UNC5D: variants seen among roughly 807,000 people sequenced by gnomAD.
UNC5D encodes the protein unc-5 netrin receptor D, also known as netrin receptor UNC5D.
A neutral mutation model predicts 105.4 loss-of-function variants in UNC5D; 39 were observed. The ratio of observed to expected loss-of-function variants is 0.37; its 90% CI spans 0.29 to 0.48. The LOEUF (loss-of-function observed/expected upper bound fraction) is 0.48, where lower values mean the gene tolerates loss of function less well. Ranked by LOEUF, UNC5D falls within the 20% of genes least tolerant of loss-of-function variation. The pLI is 0.98. For missense variants in UNC5D, 991 were observed against 1,202.4 expected (o/e 0.82, Z 2.60); for synonymous variants, 452 against 450.4 (o/e 1.00, Z -0.04).
At chr8:35,671,100 A>G (rs1160482297) in intron 4 of UNC5D, among the ~76,000 whole-genome samples, 1 of 151,560 alleles carries the variant, frequency 6.6e-6, no homozygotes, top group Non-Finnish European at 1.5e-5. Context: ...TCCTTGCCCC[A>G]CCTCCACTAA....
chr8:35,562,893 C>T (rs2130761110), intron 2 of UNC5D, among the ~76,000 whole-genome samples: 1 of 152,080 alleles, frequency 6.6e-6, no homozygotes, highest in South Asian at 2.1e-4. Flanking sequence ...AACCAGTGTC[C>T]TGGAGAGTTT....
chr8:35,335,528 A>T (rs575556108), intron 1 of UNC5D, among the ~76,000 whole-genome samples: 12 of 152,176 alleles, frequency 7.9e-5, no homozygotes, highest in Non-Finnish European at 1.5e-4. Context: ...AAGTTTAACA[A>T]TTTGAAAACT....
At chr8:35,725,843 A>G (rs1828829687) in intron 9 of UNC5D, among the ~76,000 whole-genome samples, 1 of 152,222 alleles carries the variant, frequency 6.6e-6, no homozygotes, top group Admixed American at 6.5e-5. Flanking sequence ...CACATAAACA[A>G]TAATACCTGA....
intron 1 of UNC5D, among the ~76,000 whole-genome samples, chr8:35,392,672 A>T (rs1803851270): frequency 6.6e-6 from 1 of 152,204 alleles, no homozygotes; most frequent in African/African-American, 2.4e-5. Flanking sequence ...ACATCGGCAA[A>T]GTCCCTTTTG....
rs368279291 is a variant in UNC5D at position 35,384,997 on chromosome 8, G to A, written c.103+149110G>A. 1.4e-4 allele frequency among the ~76,000 whole-genome samples: 21 copies of A among 152,328 alleles called. 1 individual carries two copies. Among genetic ancestry groups the A allele is most frequent in the East Asian group, 1.9e-4 (1 of 5,168 alleles). ...ACATCAGGTCTAGGTCCTTCATACC[G>A]TGTGTTGAAATTATACCCACTTGCT... On this transcript the variant is annotated intron_variant, in intron 1 of 16. Coordinates refer to ENST00000404895, the MANE Select transcript of UNC5D (RefSeq NM_080872.4).
chr8:35,456,909 A>C (rs1382399281), intron 1 of UNC5D, among the ~76,000 whole-genome samples: 1 of 152,328 alleles, frequency 6.6e-6, no homozygotes, highest in Non-Finnish European at 1.5e-5. Context: ...TGCACTAAAC[A>C]TGCATCTCCC....
chr8:35,633,446 T>A (rs183654690), intron 4 of UNC5D, among the ~76,000 whole-genome samples: 5,533 of 151,908 alleles, frequency 0.036, 123 homozygotes, highest in Admixed American at 0.079. Flanking sequence ...GATTTTTTTT[T>A]AAAAAAAAAT....
At chr8:35,503,646 T>TG (rs1190202394) in intron 1 of UNC5D, among the ~76,000 whole-genome samples, 1 of 152,182 alleles carries the variant, frequency 6.6e-6, no homozygotes. Context: ...AAGGAAGGAA[T>TG]GGAGGGTAAT....
chr8:35,749,292 A>C (rs949337706), intron 12 of UNC5D, among the ~76,000 whole-genome samples: 20 of 152,216 alleles, frequency 1.3e-4, no homozygotes, highest in African/African-American at 3.9e-4. Flanking sequence ...CATTAACAAC[A>C]GGGAAGACAG....
chr8:35,697,056 G>A lies in UNC5D; in HGVS notation c.1085-8873G>A, dbSNP rs1222455932. Among the ~76,000 whole-genome samples, 3 of 151,992 alleles carry A rather than the reference G, an allele frequency of 2.0e-5. No individual in the cohort carries two copies. In the East Asian group the frequency reaches 5.8e-4, roughly 29 times the overall value. On this transcript the variant is annotated intron_variant, in intron 7 of 16. Coordinates refer to ENST00000404895, the MANE Select transcript of UNC5D (RefSeq NM_080872.4). ...CACCTTGTGTCTGTAACTGTAAAAT[G>A]AGGAAACTGAGCAAGAAGATCTCTA...
chr8:35,643,590 G>A (rs545803044), intron 4 of UNC5D, among the ~76,000 whole-genome samples: 2 of 152,164 alleles, frequency 1.3e-5, no homozygotes, highest in South Asian at 2.1e-4. Flanking sequence ...ATATTAGTCC[G>A]GCTGATCTCG....
intron 1 of UNC5D, among the ~76,000 whole-genome samples, chr8:35,273,305 T>G (rs539718764): frequency 1.3e-5 from 2 of 152,252 alleles, no homozygotes; most frequent in Non-Finnish European, 1.5e-5. Flanking sequence ...AATGCATGTA[T>G]CTTATCGTTC....
chr8:35,353,762 T>C (rs1812410043), intron 1 of UNC5D, among the ~76,000 whole-genome samples: 1 of 152,138 alleles, frequency 6.6e-6, no homozygotes, highest in African/African-American at 2.4e-5. Context: ...AAAGAAAGTT[T>C]AGGACGCTGG....
intron 1 of UNC5D, among the ~76,000 whole-genome samples, chr8:35,532,519 T>C (rs1814466340): frequency 1.6e-5 from 1 of 63,542 alleles, no homozygotes; most frequent in Non-Finnish European, 2.9e-5. Flanking sequence ...CTGACAATTA[T>C]GTGTCTTGGA....
At chr8:35,340,940 T>C (rs1416129206) in intron 1 of UNC5D, among the ~76,000 whole-genome samples, 1 of 152,198 alleles carries the variant, frequency 6.6e-6, no homozygotes, top group Admixed American at 6.5e-5. Flanking sequence ...TAATCTTTCA[T>C]ACTTTAAAAG....
At chr8:35,366,278 G>C (rs1802121335) in intron 1 of UNC5D, among the ~76,000 whole-genome samples, 2 of 152,064 alleles carry the variant, frequency 1.3e-5, no homozygotes, top group Admixed American at 1.3e-4. Context: ...CTTCAAGAGA[G>C]ATGCTAAGGA....
intron 1 of UNC5D, chr8:35,255,657 A>T (rs1804028135): frequency 1.3e-5 from 2 of 152,160 alleles, no homozygotes; most frequent in Admixed American, 1.3e-4. Flanking sequence ...ACACAGAGAA[A>T]TTGGGGTGTG....
intron 8 of UNC5D, among the ~76,000 whole-genome samples, chr8:35,714,599 CA>C (rs1828145284): frequency 6.6e-6 from 1 of 152,294 alleles, no homozygotes; most frequent in East Asian, 1.9e-4. Flanking sequence ...AAGAACAGGT[CA>C]AACTTCAAGA....
chr8:35,500,630 G>A (rs1395463797), intron 1 of UNC5D, among the ~76,000 whole-genome samples: 5 of 152,106 alleles, frequency 3.3e-5, no homozygotes, highest in Admixed American at 2.0e-4. Context: ...TATGCTACTC[G>A]TCACATTATA....
Sources: allele counts gnomAD v4.1 joint callset (sites outside exome capture counted in the v4.1 genomes callset), GRCh38; gene constraint gnomAD v4.1.1; transcripts MANE v1.5; gene names NCBI Gene and HGNC (gene_info 2026-07-23, HGNC 2026-07-21).